Variants in GOPC observed in about 807,000 individuals in gnomAD.
GOPC encodes Golgi-associated PDZ and coiled-coil motif-containing protein.
Under a neutral mutation model 51.2 loss-of-function variants are expected in GOPC, and 32 were observed. That is an observed-to-expected ratio of 0.63 (90% CI 0.47 to 0.84). The LOEUF is 0.84. GOPC is among the 40% of genes least tolerant of loss of function. The pLI, the probability that GOPC is intolerant of heterozygous loss-of-function variation, is 0.00. For missense variants in GOPC, 441 were observed against 555.5 expected, an observed-to-expected ratio of 0.79 and a Z score of 2.07; for synonymous variants, 190 against 205.1, an observed-to-expected ratio of 0.93 and a Z score of 0.63.
chr6:117,593,840 C>G (rs1192784056), intron 1 of GOPC, among the ~76,000 whole-genome samples: 1 of 152,192 alleles, frequency 6.6e-6, no homozygotes, highest in Non-Finnish European at 1.5e-5. Flanking sequence ...ACTCCCTCAT[C>G]CCTCTGTTCC....
At chr6:117,594,777 T>C (rs995453361) in intron 1 of GOPC, among the ~76,000 whole-genome samples, 1 of 152,176 alleles carries the variant, frequency 6.6e-6, no homozygotes, top group African/African-American at 2.4e-5. Flanking sequence ...TTCAAAGAGA[T>C]ACTAACAGAG....
intron 1 of GOPC, among the ~76,000 whole-genome samples, chr6:117,580,609 A>G (rs1432986883): frequency 1.3e-5 from 2 of 152,138 alleles, no homozygotes; most frequent in Non-Finnish European, 2.9e-5. Context: ...TTTATTTTTA[A>G]TAACACCTTT....
At chr6:117,571,623 C>A (rs1696725015) in intron 5 of GOPC, among the ~76,000 whole-genome samples, 1 of 152,102 alleles carries the variant, frequency 6.6e-6, no homozygotes, top group Non-Finnish European at 1.5e-5. Flanking sequence ...AACCTCTACA[C>A]GAAGTTCATC....
At chr6:117,601,714 T>C (rs1470383650) in intron 1 of GOPC, among the ~76,000 whole-genome samples, 3 of 152,222 alleles carry the variant, frequency 2.0e-5, no homozygotes, top group Non-Finnish European at 4.4e-5. Context: ...AGAGAATCTT[T>C]GTTAGGTTTG....
At chr6:117,586,124 T>C (rs1780028908) in intron 1 of GOPC, among the ~76,000 whole-genome samples, 1 of 152,208 alleles carries the variant, frequency 6.6e-6, no homozygotes, top group African/African-American at 2.4e-5. Context: ...AAAGTACAGA[T>C]TGGAATGTAA....
At chr6:117,601,824 C>T (rs1772018357) in intron 1 of GOPC, among the ~76,000 whole-genome samples, 180 bp downstream of exon 1, 1 of 152,072 alleles carries the variant, frequency 6.6e-6, no homozygotes, top group African/African-American at 2.4e-5. Context: ...ACTCACACGT[C>T]GGTCTAGGGC....
intron 1 of GOPC, among the ~76,000 whole-genome samples, chr6:117,595,639 T>C (rs1158798489): frequency 3.9e-5 from 6 of 152,158 alleles, no homozygotes; most frequent in Non-Finnish European, 5.9e-5. Context: ...AGTGAGAACA[T>C]ACATTTTGTT....
chr6:117,561,581 AGTT>A lies in GOPC; in HGVS notation c.*1670_*1672del, dbSNP rs1188768716. The A allele has an allele frequency of 4.8e-6, 1 of 210,320 alleles. No homozygotes were observed. Among genetic ancestry groups the A allele is most frequent in the East Asian group, 7.1e-5 (1 of 14,012 alleles). 13.0% of individuals were successfully genotyped at this position (210,320 alleles called of 1,614,324 possible). A position where few individuals can be genotyped will look rare whatever the true frequency, so the allele number is the denominator to read the frequency against. On this transcript the variant is annotated 3_prime_UTR_variant, in exon 9 of 9. Coordinates refer to ENST00000368498, the MANE Select transcript of GOPC (RefSeq NM_020399.4). ...ATAGGGGATTCATAAAGAAAAAACA[AGTT>A]GTTTTTTTTCTTTTAAGAGGCCTAC...
rs1414318637 is a variant in GOPC, at chr6:117,602,201, T to C, written c.88A>G (p.Met30Val). ...CSVGAPGGVS[M>V]FRWLEVLEKE... ...TCCAGCACCTCCAGCCACCGGAACA[T>C]GGATACCCCGCCAGGGGCCCCCACG... Residue 30 changes from methionine (M) to valine (V), a missense_variant, in exon 1 of 9, where the codon ATG becomes GTG. This residue lies in a region of GOPC where 204 missense variants were observed against 219.8 expected (regional missense o/e 0.93). Transcript: ENST00000368498. 1.1e-5 allele frequency: 18 copies of C among 1,610,512 alleles called. No individual in the cohort carries two copies. The highest frequency in any genetic ancestry group is 1.4e-5 in the Non-Finnish European group (17 of 1,179,990).
chr6:117,568,036 A>G (rs1344610815), intron 7 of GOPC, among the ~76,000 whole-genome samples: 2 of 151,100 alleles, frequency 1.3e-5, no homozygotes, highest in Non-Finnish European at 1.5e-5. Context: ...CAAAAAAAAA[A>G]AAAAAAAAAA....
At chr6:117,570,293 A>C (rs1352339776) in intron 6 of GOPC, among the ~76,000 whole-genome samples, 2 of 152,096 alleles carry the variant, frequency 1.3e-5, no homozygotes, top group Non-Finnish European at 2.9e-5. Context: ...TTATTATAAG[A>C]AACATTTCTA....
chr6:117,581,719 A>T (rs1361326943), intron 1 of GOPC, among the ~76,000 whole-genome samples: 1 of 152,206 alleles, frequency 6.6e-6, no homozygotes, highest in African/African-American at 2.4e-5. Flanking sequence ...TTTTTCATTC[A>T]TTCTACTTTC....
chr6:117,589,600 G>A (rs564889123), intron 1 of GOPC, among the ~76,000 whole-genome samples: 40 of 151,922 alleles, frequency 2.6e-4, no homozygotes, highest in African/African-American at 9.7e-4. Flanking sequence ...GATTACAGGC[G>A]TGAGCCACTG....
chr6:117,581,792 T>C (rs952329153), intron 1 of GOPC, among the ~76,000 whole-genome samples: 3 of 152,250 alleles, frequency 2.0e-5, no homozygotes, highest in Non-Finnish European at 4.4e-5. Context: ...TTGTGTTGTT[T>C]TGAATTTCTG....
intron 1 of GOPC, among the ~76,000 whole-genome samples, chr6:117,579,302 A>C (rs1779926002): frequency 6.6e-6 from 1 of 152,066 alleles, no homozygotes; most frequent in South Asian, 2.1e-4. Flanking sequence ...ATAACACAGA[A>C]TGCTACTTCC....
chr6:117,590,564 C>A (rs1360459741), intron 1 of GOPC, among the ~76,000 whole-genome samples: 3 of 140,054 alleles, frequency 2.1e-5, no homozygotes, highest in Non-Finnish European at 4.6e-5. Context: ...AGAGTGGGAC[C>A]CTGTCTCAAA....
chr6:117,586,407 C>T (rs926579973), intron 1 of GOPC, among the ~76,000 whole-genome samples: 8 of 151,424 alleles, frequency 5.3e-5, no homozygotes, highest in African/African-American at 1.7e-4. Context: ...GGAGGCAATT[C>T]CATTTTATCT....
chr6:117,575,614 A>C (rs1245792152), intron 3 of GOPC: 1 of 619,630 alleles, frequency 1.6e-6, no homozygotes, highest in Non-Finnish European at 3.0e-6. Context: ...ATGTTATCAC[A>C]TATTAGTAAA....
intron 1 of GOPC, among the ~76,000 whole-genome samples, chr6:117,588,318 C>A (rs1485181073): frequency 1.3e-5 from 2 of 152,024 alleles, no homozygotes; most frequent in Non-Finnish European, 2.9e-5. Flanking sequence ...TCACCCAGGC[C>A]AGGCTGGAGT....
Sources: allele counts gnomAD v4.1 joint callset (sites outside exome capture counted in the v4.1 genomes callset), GRCh38; gene constraint gnomAD v4.1.1; regional missense constraint gnomAD v4.1.1; transcripts MANE v1.5; gene names NCBI Gene and HGNC (gene_info 2026-07-23, HGNC 2026-07-21).